The following NR5A2 variants were observed in gnomAD, a reference collection of about 807,000 sequenced individuals.
NR5A2 encodes the protein CYP7A promoter-binding factor.
In NR5A2, 26 loss-of-function variants were observed where a neutral mutation model predicts 62.7. The ratio of observed to expected loss-of-function variants is 0.41; its 90% CI spans 0.30 to 0.58. NR5A2 has a LOEUF of 0.58. Ranked by LOEUF, NR5A2 falls within the 20% of genes least tolerant of loss-of-function variation. NR5A2 has a pLI of 0.22. For missense variants in NR5A2, 541 were observed against 669.1 expected (o/e 0.81, Z 2.11); for synonymous variants, 246 against 241.7 (o/e 1.02, Z -0.16).
chr1:200,053,249 A>G (rs1220496871), intron 5 of NR5A2, among the ~76,000 whole-genome samples: 1 of 152,190 alleles, frequency 6.6e-6, no homozygotes, highest in Admixed American at 6.5e-5. Context: ...ACACACTTGT[A>G]AAGGACAATT....
rs567298196 is a variant in NR5A2, at chr1:200,071,920, C to G, written c.1110+23102C>G. On this transcript the variant is annotated intron_variant, in intron 5 of 7. Coordinates refer to ENST00000367362, the MANE Select transcript of NR5A2 (RefSeq NM_205860.3). ...ATAGATGCACACAAACTACCTTGAGCTTTACTTTCTGATGAAAACAATCTA... is the reference window on the plus strand; with the variant it reads ...ATAGATGCACACAAACTACCTTGAGGTTTACTTTCTGATGAAAACAATCTA... 4.6e-5 allele frequency among the ~76,000 whole-genome samples: 7 copies of G among 152,192 alleles called. No individual in the cohort carries two copies. The East Asian group carries it at 1.3e-3, about 29-fold the overall frequency.
At chr1:200,074,748 A>AAAAAAAAAAAAAAAAAAAAC (rs1663942231) in intron 5 of NR5A2, among the ~76,000 whole-genome samples, 1 of 148,380 alleles carries the variant, frequency 6.7e-6, no homozygotes. Flanking sequence ...AAAAAAAAAA[A>AAAAAAAAAAAAAAAAAAAAC]AAAAAAAACA....
At chr1:200,111,134 CA>C in intron 5 of NR5A2, 67 bp from the exon 6 acceptor site, 3 of 1,559,132 alleles carry the variant, frequency 1.9e-6, no homozygotes, top group South Asian at 1.2e-5. Context: ...TACACAAAAA[CA>C]AAAAAGTAGT....
At chr1:200,118,672 T>C (rs914927833) in intron 6 of NR5A2, among the ~76,000 whole-genome samples, 1 of 152,210 alleles carries the variant, frequency 6.6e-6, no homozygotes, top group Non-Finnish European at 1.5e-5. Context: ...TGTATTATTA[T>C]TATCTGAAGT....
rs931595515 is a variant in NR5A2, at chr1:200,039,850, C to T, written c.202+55C>T. On this transcript the variant is annotated intron_variant, in intron 2 of 7. Transcript: ENST00000367362. This position sits in a 1 kb window ranked among gnomAD's most constrained non-coding sequence, Gnocchi z 5.1. The stretch of plus-strand genomic sequence containing the variant: ...CCCGCTGCTTCCCCACCCCCGGGCT[C>T]GCCCTGCAGGCTTCAGCCTCCCGCC... 171 of 1,547,224 alleles carry T rather than the reference C, an allele frequency of 1.1e-4. No homozygotes were observed. Among genetic ancestry groups the T allele is most frequent in the Non-Finnish European group, 1.4e-4 (160 of 1,152,084 alleles).
chr1:200,157,707 T>C (rs1653453898), intron 7 of NR5A2, among the ~76,000 whole-genome samples: 1 of 152,214 alleles, frequency 6.6e-6, no homozygotes, highest in African/African-American at 2.4e-5. Context: ...AATGGATAAG[T>C]ATTTGGCTTT....
rs2102327181 is a variant in NR5A2 at position 200,130,310 on chromosome 1, AAGAAGAAGAAG to A, written c.1378+9357_1378+9367del. On this transcript the variant is annotated intron_variant, in intron 7 of 7. Coordinates refer to ENST00000367362, the MANE Select transcript of NR5A2 (RefSeq NM_205860.3). ...GAAGAAGAAGAAGAAGAAGAAGAAG[AAGAAGAAGAAG>A]AAAAAAAAAATCCAACAGAGAAATT... Among the ~76,000 whole-genome samples the A allele has an allele frequency of 7.1e-5, 3 of 42,496 alleles. No homozygotes were observed. The South Asian group carries it at 2.3e-3, about 32-fold the overall frequency. The allele number at this position is 42,496 out of a possible 152,430, so 27.9% of individuals were successfully genotyped here.
At chr1:200,080,524 A>G (rs1333452655) in intron 5 of NR5A2, among the ~76,000 whole-genome samples, 2 of 152,224 alleles carry the variant, frequency 1.3e-5, no homozygotes, top group Non-Finnish European at 2.9e-5. Context: ...GCAAGCATTA[A>G]GGAAAAATGA....
intron 5 of NR5A2, among the ~76,000 whole-genome samples, chr1:200,056,781 TA>T (rs1193672197): frequency 6.6e-6 from 1 of 152,180 alleles, no homozygotes; most frequent in African/African-American, 2.4e-5. Context: ...CTGTTCGTAT[TA>T]ACCTGTATGT....
At chr1:200,028,144 G>A (rs552958837) in intron 1 of NR5A2, among the ~76,000 whole-genome samples, 19 of 152,082 alleles carry the variant, frequency 1.2e-4, no homozygotes, top group African/African-American at 4.3e-4. Flanking sequence ...GTTTACTGGT[G>A]TCATTCTAAT....
chr1:200,064,551 G>A (rs2102202831), intron 5 of NR5A2, among the ~76,000 whole-genome samples: 3 of 152,282 alleles, frequency 2.0e-5, no homozygotes, highest in South Asian at 4.1e-4. Context: ...AGCTGGACAG[G>A]TGAGCAGCTC....
At chr1:200,087,837 C>T (rs1254053889) in intron 5 of NR5A2, among the ~76,000 whole-genome samples, 2 of 151,328 alleles carry the variant, frequency 1.3e-5, no homozygotes, top group African/African-American at 4.9e-5. Context: ...CTGCAACCTC[C>T]GCCTCCTGGG....
intron 7 of NR5A2, among the ~76,000 whole-genome samples, chr1:200,123,730 A>C (rs1666575797): frequency 7.4e-6 from 1 of 135,356 alleles, no homozygotes; most frequent in Non-Finnish European, 1.6e-5. Context: ...CAGAAGTTTT[A>C]TTTTTATTTT....
intron 5 of NR5A2, among the ~76,000 whole-genome samples, chr1:200,079,151 A>T (rs938439846): frequency 6.6e-6 from 1 of 152,140 alleles, no homozygotes; most frequent in Non-Finnish European, 1.5e-5. Context: ...AACAAATGTT[A>T]TTGATATAAG....
At chr1:200,146,348 G>A (rs1667695236) in intron 7 of NR5A2, among the ~76,000 whole-genome samples, 1 of 152,170 alleles carries the variant, frequency 6.6e-6, no homozygotes, top group Admixed American at 6.5e-5. Context: ...CCTACTCAGT[G>A]GATTCTGTTG....
intron 6 of NR5A2, among the ~76,000 whole-genome samples, chr1:200,111,759 G>T (rs944431819): frequency 6.6e-6 from 1 of 152,174 alleles, no homozygotes; most frequent in South Asian, 2.1e-4. Flanking sequence ...AATTGAAATA[G>T]TTGGTATAAA....
chr1:200,105,726 A>C (rs1260752161), intron 5 of NR5A2, among the ~76,000 whole-genome samples: 1 of 152,126 alleles, frequency 6.6e-6, no homozygotes, highest in Non-Finnish European at 1.5e-5. Context: ...CCAAGGCAGG[A>C]GGATACCTTG....
chr1:200,104,686 A>G (rs1665558213), intron 5 of NR5A2, among the ~76,000 whole-genome samples: 1 of 152,142 alleles, frequency 6.6e-6, no homozygotes, highest in African/African-American at 2.4e-5. Context: ...TTTTTGAGAC[A>G]GAGTCTCACT....
intron 7 of NR5A2, among the ~76,000 whole-genome samples, chr1:200,160,699 T>A (rs569910877): frequency 1.3e-5 from 2 of 151,720 alleles, no homozygotes; most frequent in Non-Finnish European, 2.9e-5. Flanking sequence ...CTCATTCGAT[T>A]AGCTGGAAAG....
Sources: gnomAD v4.1 joint callset for allele counts (sites outside exome capture counted in the v4.1 genomes callset) on GRCh38, gnomAD v4.1.1 for gene constraint, Gnocchi (gnomAD v3.1) non-coding constraint, MANE v1.5 for transcripts, NCBI Gene and HGNC (gene_info 2026-07-23, HGNC 2026-07-21) for gene names.